TENM3: variants seen among roughly 807,000 people sequenced by gnomAD.
The protein encoded by TENM3 is teneurin transmembrane protein 3.
Under a neutral mutation model 255.1 loss-of-function variants are expected in TENM3, and 63 were observed. The ratio of observed to expected loss-of-function variants is 0.25; its 90% CI spans 0.20 to 0.30. TENM3 has a LOEUF of 0.30. Ranked by LOEUF, TENM3 falls within the 10% of genes least tolerant of loss-of-function variation. TENM3 has a pLI of 1.00. For missense variants in TENM3, 2,929 were observed against 3,461.1 expected (o/e 0.85, Z 3.86); for synonymous variants, 1,306 against 1,322.3 (o/e 0.99, Z 0.27).
chr4:182,602,437 G>A (rs1439599750), intron 4 of TENM3, among the ~76,000 whole-genome samples: 1 of 152,190 alleles, frequency 6.6e-6, no homozygotes, highest in African/African-American at 2.4e-5. Flanking sequence ...TCACCATTAG[G>A]TATATGGTCT....
chr4:182,641,347 C>A (rs1291244190), intron 5 of TENM3, among the ~76,000 whole-genome samples: 2 of 152,082 alleles, frequency 1.3e-5, no homozygotes, highest in African/African-American at 4.8e-5. Context: ...CTCCATATTT[C>A]AATAGTTGGA....
At chr4:182,580,824 C>T (rs752688580) in intron 3 of TENM3, among the ~76,000 whole-genome samples, 31 of 152,148 alleles carry the variant, frequency 2.0e-4, no homozygotes, top group African/African-American at 5.8e-4. Flanking sequence ...GATTATTCTA[C>T]GATCACTTGT....
At chr4:182,414,933 A>G (rs72995461) in intron 3 of TENM3, among the ~76,000 whole-genome samples, 5,489 of 152,324 alleles carry the variant, frequency 0.036, 308 homozygotes, top group African/African-American at 0.12. Flanking sequence ...ACTGTGACAC[A>G]GTAAAACAAT....
chr4:181,817,293 G>A, the TENM3 span, among the ~76,000 whole-genome samples: 9 of 152,184 alleles, frequency 5.9e-5, no homozygotes, highest in African/African-American at 2.2e-4. Flanking sequence ...GGGTGCCACA[G>A]GGGTCATTAT....
At chr4:181,938,965 G>A in the TENM3 span, among the ~76,000 whole-genome samples, 3 of 152,014 alleles carry the variant, frequency 2.0e-5, no homozygotes, top group African/African-American at 7.2e-5. Flanking sequence ...GAAATTGTAC[G>A]TTAGCACTAA....
chr4:181,486,624 G>A, the TENM3 span, among the ~76,000 whole-genome samples: 4 of 152,142 alleles, frequency 2.6e-5, no homozygotes, highest in African/African-American at 7.2e-5. Flanking sequence ...TACATTAGAT[G>A]GGTCTCTATA....
the TENM3 span, among the ~76,000 whole-genome samples, chr4:181,598,785 G>A: frequency 1.3e-5 from 2 of 151,894 alleles, no homozygotes; most frequent in Non-Finnish European, 2.9e-5. Context: ...AGTATGAAGA[G>A]AGTAATCATT....
At chr4:182,436,384 G>A (rs1350433795) in intron 3 of TENM3, among the ~76,000 whole-genome samples, 1 of 152,218 alleles carries the variant, frequency 6.6e-6, no homozygotes, top group African/African-American at 2.4e-5. Context: ...GCTGCCCTGT[G>A]AGAAGGCAGG....
At chr4:182,550,962 T>C (rs1224172290) in intron 3 of TENM3, among the ~76,000 whole-genome samples, 3 of 152,232 alleles carry the variant, frequency 2.0e-5, no homozygotes, top group Non-Finnish European at 4.4e-5. Flanking sequence ...GGCTCACGCC[T>C]GTAATCCCAG....
chr4:182,406,105 A>G (rs1769554138), intron 3 of TENM3, among the ~76,000 whole-genome samples: 1 of 152,168 alleles, frequency 6.6e-6, no homozygotes, highest in African/African-American at 2.4e-5. Flanking sequence ...CAGGAGTTCA[A>G]GACCAGCCTG....
the TENM3 span, among the ~76,000 whole-genome samples, chr4:181,577,971 C>T: frequency 1.3e-5 from 2 of 152,116 alleles, no homozygotes; most frequent in Admixed American, 1.3e-4. Context: ...TCCGTCCATC[C>T]TCCATTGCTC....
chr4:181,576,219 T>C, the TENM3 span, among the ~76,000 whole-genome samples: 1 of 152,204 alleles, frequency 6.6e-6, no homozygotes. Flanking sequence ...TATTTCTGAG[T>C]TGTTCCACTT....
chr4:181,697,443 G>A, the TENM3 span, among the ~76,000 whole-genome samples: 2 of 152,178 alleles, frequency 1.3e-5, no homozygotes, highest in Non-Finnish European at 2.9e-5. Flanking sequence ...GCCCAGGCTG[G>A]AGTGCAGTGG....
chr4:182,717,545 G>A (rs1439546139), intron 13 of TENM3, among the ~76,000 whole-genome samples: 1 of 152,160 alleles, frequency 6.6e-6, no homozygotes, highest in East Asian at 1.9e-4. Context: ...CTCAAATCCA[G>A]CTCCAGGTAC....
intron 16 of TENM3, 141 bp downstream of exon 16, chr4:182,731,280 C>T: frequency 9.0e-6 from 7 of 780,208 alleles, no homozygotes; most frequent in South Asian, 7.2e-5. Flanking sequence ...CCGAGGTGGG[C>T]AGATCATGAG....
intron 1 of TENM3, among the ~76,000 whole-genome samples, chr4:182,198,164 C>G (rs1753948177): frequency 6.6e-6 from 1 of 151,806 alleles, no homozygotes; most frequent in Non-Finnish European, 1.5e-5. Flanking sequence ...GTGGGAAGGC[C>G]TAGAATAGGC....
At chr4:182,492,421 C>T (rs1735385725) in intron 3 of TENM3, among the ~76,000 whole-genome samples, 1 of 152,058 alleles carries the variant, frequency 6.6e-6, no homozygotes, top group South Asian at 2.1e-4. Context: ...AATTAAAAGA[C>T]AAAGTCAATT....
chr4:182,219,572 G>A (rs376256610), intron 1 of TENM3, among the ~76,000 whole-genome samples: 1 of 151,976 alleles, frequency 6.6e-6, no homozygotes, highest in South Asian at 2.1e-4. Flanking sequence ...AGCTGAGGCC[G>A]GAGGATTGCT....
intron 12 of TENM3, among the ~76,000 whole-genome samples, chr4:182,707,323 CA>C (rs1758354817): frequency 6.6e-6 from 1 of 151,990 alleles, no homozygotes; most frequent in Non-Finnish European, 1.5e-5. Context: ...GATAGAATTC[CA>C]AAAAGATGCT....
Sources: allele counts gnomAD v4.1 joint callset (sites outside exome capture counted in the v4.1 genomes callset), GRCh38; gene constraint gnomAD v4.1.1; transcripts MANE v1.5; gene names NCBI Gene and HGNC (gene_info 2026-07-23, HGNC 2026-07-21).